ARHGAP8: variants seen among roughly 807,000 people sequenced by gnomAD.
ARHGAP8 encodes the protein rho GTPase-activating protein 8.
Under a neutral mutation model 46.1 loss-of-function variants are expected in ARHGAP8, and 62 were observed. The ratio of observed to expected loss-of-function variants is 1.34; its 90% CI spans 1.10 to 1.66. The LOEUF (loss-of-function observed/expected upper bound fraction) is 1.66. ARHGAP8 is among the 40% of genes most tolerant of loss of function. The pLI is 0.00. For synonymous variants in ARHGAP8, 375 were observed against 243.1 expected, an observed-to-expected ratio of 1.54 and a Z score of -5.05; for missense variants, 923 against 568.4, an observed-to-expected ratio of 1.62 and a Z score of -6.34.
chr22:44,835,285 A>C (rs1453639756), intron 7 of ARHGAP8, among the ~76,000 whole-genome samples: 5 of 151,708 alleles, frequency 3.3e-5, no homozygotes, highest in African/African-American at 1.2e-4. Flanking sequence ...CTTAGGGATT[A>C]GAATTTATAT....
intron 7 of ARHGAP8, among the ~76,000 whole-genome samples, chr22:44,828,102 C>G (rs574775908): frequency 2.0e-5 from 3 of 152,314 alleles, no homozygotes; most frequent in Admixed American, 6.5e-5. Context: ...CCCTCGCCTT[C>G]CCTAACTAGG....
chr22:44,836,115 C>T (rs1931268218), intron 7 of ARHGAP8, among the ~76,000 whole-genome samples: 1 of 152,156 alleles, frequency 6.6e-6, no homozygotes, highest in South Asian at 2.1e-4. Flanking sequence ...AGAGGGGCAG[C>T]CCTGCAGATG....
At chr22:44,859,306 G>A (rs112230972) in intron 10 of ARHGAP8, among the ~76,000 whole-genome samples, 16 of 152,164 alleles carry the variant, frequency 1.1e-4, no homozygotes, top group African/African-American at 2.2e-4. Context: ...TGCTGTCCTC[G>A]AGATAGTGAG....
rs369965306 is a variant in ARHGAP8 at position 44,822,560 on chromosome 22, T to C, written c.485+91T>C. On this transcript the variant is annotated intron_variant, in intron 6 of 11. Transcript: ENST00000356099. ...AGTCCCATGAATGTTTAAGGCTTGA[T>C]TTCCAAATGTGTGCTTGGCTAGATT... 1.4e-3 allele frequency: 1,692 copies of C among 1,182,940 alleles called. 3 individuals are homozygous for C. Among genetic ancestry groups the C allele is most frequent in the Middle Eastern group, 7.2e-3 (35 of 4,828 alleles). 73.3% of individuals were successfully genotyped at this position (1,182,940 alleles called of 1,614,324 possible).
At position 44,824,928 on chromosome 22, in the gene ARHGAP8, G is replaced by A. The variant is rs556448070; in HGVS notation, c.486-555G>A. ...GATTACAGGCGTGAGCCACCGTGCC[G>A]AGCACAGAGGTTCTTTTCACCCGAA... On this transcript the variant is annotated intron_variant, in intron 6 of 11. Coordinates refer to ENST00000356099, the MANE Select transcript of ARHGAP8 (RefSeq NM_181335.3). Among the ~76,000 whole-genome samples the A allele has an allele frequency of 3.9e-5, 6 of 151,932 alleles. No homozygotes were observed. The East Asian group carries it at 5.8e-4, about 15-fold the overall frequency.
intron 1 of ARHGAP8, among the ~76,000 whole-genome samples, chr22:44,762,387 G>T (rs949839536): frequency 3.3e-5 from 5 of 151,978 alleles, no homozygotes; most frequent in Non-Finnish European, 5.9e-5. Context: ...AGTGAGCTAT[G>T]ATCATACCAC....
At chr22:44,858,676 G>T (rs1391891431) in intron 10 of ARHGAP8, among the ~76,000 whole-genome samples, 1 of 150,938 alleles carries the variant, frequency 6.6e-6, no homozygotes, top group African/African-American at 2.5e-5. Context: ...TGGCTGGTTG[G>T]TGGGTTTTGA....
intron 10 of ARHGAP8, among the ~76,000 whole-genome samples, chr22:44,857,445 A>G (rs929479046): frequency 6.6e-6 from 1 of 152,150 alleles, no homozygotes; most frequent in East Asian, 1.9e-4. Flanking sequence ...CAGATTCACA[A>G]GAGAAAAACA....
At chr22:44,787,357 T>C (rs531772430) in intron 2 of ARHGAP8, among the ~76,000 whole-genome samples, 205 of 117,940 alleles carry the variant, frequency 1.7e-3, no homozygotes, top group African/African-American at 6.3e-3. Flanking sequence ...TTTGTTTTGT[T>C]TTGTTTGAGA....
intron 2 of ARHGAP8, among the ~76,000 whole-genome samples, chr22:44,791,824 C>T (rs1467058446): frequency 5.9e-5 from 9 of 152,156 alleles, no homozygotes; most frequent in Admixed American, 5.9e-4. Flanking sequence ...TCATCAGGAA[C>T]AACAAGGATG....
intron 1 of ARHGAP8, among the ~76,000 whole-genome samples, chr22:44,756,731 T>TA (rs1410721961): frequency 6.6e-6 from 1 of 151,904 alleles, no homozygotes; most frequent in African/African-American, 2.4e-5. Context: ...ATCCCTTTTC[T>TA]AAAAAATTAT....
rs140524840 is a variant in ARHGAP8, at chr22:44,780,535, G to A, written c.-71-5922G>A. On this transcript the variant is annotated intron_variant, in intron 1 of 11. Transcript: ENST00000356099. Reference sequence around the variant, plus strand: ...AAATTAGCCGGACATGGTGGCGGGCGCCTGTAGTCCCAGCTACTCAGGAGG... The same window carrying A: ...AAATTAGCCGGACATGGTGGCGGGCACCTGTAGTCCCAGCTACTCAGGAGG... Among the ~76,000 whole-genome samples the A allele has an allele frequency of 7.5e-3, 1,118 of 148,504 alleles. 10 individuals are homozygous for A. Among genetic ancestry groups the A allele is most frequent in the Non-Finnish European group, 0.012 (826 of 67,036 alleles).
intron 1 of ARHGAP8, among the ~76,000 whole-genome samples, chr22:44,780,573 A>C (rs559451593): frequency 9.4e-5 from 14 of 149,040 alleles, no homozygotes; most frequent in African/African-American, 3.5e-4. Context: ...GAGGCAGGAG[A>C]ATCTACTGAA....
intron 7 of ARHGAP8, among the ~76,000 whole-genome samples, chr22:44,843,817 C>G (rs907831923): frequency 8.2e-6 from 1 of 121,464 alleles, no homozygotes; most frequent in Non-Finnish European, 1.6e-5. Context: ...AGGGTAAGAC[C>G]TTGTCTCAAA....
intron 8 of ARHGAP8, among the ~76,000 whole-genome samples, chr22:44,846,451 T>C (rs1458776639): frequency 6.6e-6 from 1 of 152,152 alleles, no homozygotes; most frequent in Non-Finnish European, 1.5e-5. Flanking sequence ...AGTGAGCAGA[T>C]GTGCTGGGCG....
chr22:44,773,728 G>A (rs1046706576), intron 1 of ARHGAP8, among the ~76,000 whole-genome samples: 2 of 152,098 alleles, frequency 1.3e-5, no homozygotes, highest in Non-Finnish European at 2.9e-5. Flanking sequence ...GACTAAAGGT[G>A]TACACCACCA....
intron 1 of ARHGAP8, among the ~76,000 whole-genome samples, chr22:44,769,823 CAGG>C (rs745700930): frequency 3.3e-5 from 5 of 152,200 alleles, no homozygotes; most frequent in Non-Finnish European, 5.9e-5. Flanking sequence ...CCAGCCCACA[CAGG>C]AGAACTGGAG....
rs1569144172 is a variant in ARHGAP8, at chr22:44,786,313, CGT to C, written c.-71-143_-71-142del. On this transcript the variant is annotated intron_variant, in intron 1 of 11. Coordinates refer to ENST00000356099, the MANE Select transcript of ARHGAP8 (RefSeq NM_181335.3). ...GTGGGTGCTCGGCTGAGGCAGGGCG[CGT>C]AGTGGGTGCACGGCTGAGGTAGGGC... The C allele has an allele frequency of 3.8e-4, 377 of 984,096 alleles. 8 individuals are homozygous for C. In the African/African-American group the frequency reaches 4.2e-3, roughly 11 times the overall value. 61.0% of individuals were successfully genotyped at this position (984,096 alleles called of 1,614,324 possible).
intron 1 of ARHGAP8, among the ~76,000 whole-genome samples, chr22:44,763,244 C>A (rs1463409060): frequency 6.6e-6 from 1 of 151,862 alleles, no homozygotes; most frequent in Non-Finnish European, 1.5e-5. Context: ...CACCTGTAAT[C>A]CTAACACTTT....
Sources: allele counts gnomAD v4.1 joint callset (sites outside exome capture counted in the v4.1 genomes callset), GRCh38; gene constraint gnomAD v4.1.1; transcripts MANE v1.5; gene names NCBI Gene and HGNC (gene_info 2026-07-23, HGNC 2026-07-21).